Variants in SCGB3A2 observed in about 807,000 individuals in gnomAD.
SCGB3A2 encodes the protein pneumo secretory protein 1.
A neutral mutation model predicts 7.7 loss-of-function variants in SCGB3A2; 5 were observed. The ratio of observed to expected loss-of-function variants is 0.65; its 90% CI spans 0.34 to 1.36. The LOEUF (loss-of-function observed/expected upper bound fraction) is 1.36, where lower values mean the gene tolerates loss of function less well. Among genes scored for constraint, SCGB3A2 ranks in the 40% most tolerant of loss-of-function variants. The pLI, the probability that SCGB3A2 is intolerant of heterozygous loss-of-function variation, is 0.04. For synonymous variants in SCGB3A2, 44 were observed against 42.7 expected (o/e 1.03, Z -0.12); for missense variants, 109 against 103.6 (o/e 1.05, Z -0.23).
chr5:147,878,938 C>A, intron 1 of SCGB3A2, 80 bp downstream of exon 1: 1 of 963,076 alleles, frequency 1.0e-6, no homozygotes, highest in Non-Finnish European at 1.7e-6. Flanking sequence ...TAAGCCTTGC[C>A]TCACTGACAG....
intron 1 of SCGB3A2, 42 bp from the exon 2 acceptor site, chr5:147,881,404 C>A: frequency 6.9e-7 from 1 of 1,458,190 alleles, no homozygotes; most frequent in Non-Finnish European, 9.6e-7. Flanking sequence ...ATAGTCTGGG[C>A]CCAGATGTGC....
chr5:147,878,963 A>G, intron 1 of SCGB3A2, 105 bp downstream of exon 1: 3 of 762,726 alleles, frequency 3.9e-6, no homozygotes, highest in Admixed American at 2.1e-5. Flanking sequence ...ATATGGTGGT[A>G]GGAATTGTAT....
At chr5:147,880,210 C>T (rs935520766) in intron 1 of SCGB3A2, among the ~76,000 whole-genome samples, 4 of 152,094 alleles carry the variant, frequency 2.6e-5, no homozygotes, top group Non-Finnish European at 5.9e-5. Context: ...AAAAATACAT[C>T]GTACATATTT....
intron 1 of SCGB3A2, among the ~76,000 whole-genome samples, chr5:147,880,417 A>G (rs1757328321): frequency 6.6e-6 from 1 of 151,614 alleles, no homozygotes; most frequent in Non-Finnish European, 1.5e-5. Flanking sequence ...TTGCAGCCTC[A>G]CTCCCTTTAT....
rs372327304 is a variant in SCGB3A2 at position 147,879,129 on chromosome 5, C to T, written c.55+271C>T. Among the ~76,000 whole-genome samples, 644 of 152,304 alleles carry T rather than the reference C, an allele frequency of 4.2e-3. 1 individual carries two copies. Among genetic ancestry groups the T allele is most frequent in the Non-Finnish European group, 6.8e-3 (460 of 68,030 alleles). On this transcript the variant is annotated intron_variant, in intron 1 of 2. Coordinates refer to ENST00000296694, the MANE Select transcript of SCGB3A2 (RefSeq NM_054023.5). ...AATATAAGTATTCTAATACATCCTA[C>T]ATAGGAAGTTAGCCAACTTCCACGG...
At chr5:147,881,681 G>C (rs1282954028) in intron 2 of SCGB3A2, 33 bp downstream of exon 2, 1 of 1,556,622 alleles carries the variant, frequency 6.4e-7, no homozygotes, top group Non-Finnish European at 8.8e-7. Context: ...ATCTGCCAAA[G>C]GGGAGGCATA....
intron 1 of SCGB3A2, 34 bp downstream of exon 1, chr5:147,878,892 ATTTCT>A: frequency 6.7e-7 from 1 of 1,495,252 alleles, no homozygotes; most frequent in Non-Finnish European, 9.3e-7. Context: ...AATATGTGAC[ATTTCT>A]TTACTTTTCT....
In SCGB3A2 at chr5:147,881,639, G is replaced by A. The variant is rs1757350311; in HGVS notation, c.249G>A (p.Lys83=). Reference sequence around the variant, plus strand: ...GACCAGAGGCTTCTGAAGCTGTGAAGAAACTGCTGGTAACCACAGCTTGGG... The same window carrying A: ...GACCAGAGGCTTCTGAAGCTGTGAAAAAACTGCTGGTAACCACAGCTTGGG... ...ELGPEASEAV[K]KLLEALSHLV is the part of the protein sequence containing the mutation. The change falls in exon 2 of 3, where the codon AAG becomes AAA. Residue 83 remains lysine, a synonymous_variant. Coordinates refer to ENST00000296694, the MANE Select transcript of SCGB3A2 (RefSeq NM_054023.5). 1 of 1,613,380 alleles carries A rather than the reference G, an allele frequency of 6.2e-7. No homozygotes were observed. The highest frequency in any genetic ancestry group is 8.5e-7 in the Non-Finnish European group (1 of 1,179,684).
At chr5:147,881,930 A>G in intron 2 of SCGB3A2, 97 bp from the exon 3 acceptor site, 1 of 1,356,824 alleles carries the variant, frequency 7.4e-7, no homozygotes, top group Middle Eastern at 2.0e-4. Context: ...CCCATCAGTA[A>G]AATAGTGGCC....
Position 147,882,124 on chromosome 5 carries a change from A to AGAT in SCGB3A2, c.*74_*75insGAT. On this transcript the variant is annotated 3_prime_UTR_variant, in exon 3 of 3. Coordinates refer to ENST00000296694, the MANE Select transcript of SCGB3A2 (RefSeq NM_054023.5). ...ATCCTCCCTGCCTGAAACCTGTTCT[A>AGAT]CCAATTATAGATCAAATGCCCTAAA... is the stretch of plus-strand genomic sequence containing the variant. 6.9e-7 allele frequency: 1 copy of AGAT among 1,449,932 alleles called. No individual in the cohort carries two copies. The highest frequency in any genetic ancestry group is 1.7e-5 in the Admixed American group (1 of 59,602). The allele number at this position is 1,449,932 out of a possible 1,614,324, so 89.8% of individuals were successfully genotyped here. A position where few individuals can be genotyped will look rare whatever the true frequency, so the allele number is the denominator to read the frequency against.
intron 1 of SCGB3A2, 92 bp downstream of exon 1, chr5:147,878,950 G>T: frequency 5.0e-6 from 4 of 803,678 alleles, no homozygotes; most frequent in South Asian, 3.1e-5. Context: ...CACTGACAGT[G>T]GAATATGGTG....
At chr5:147,878,956 T>C (rs1246254949) in intron 1 of SCGB3A2, 98 bp downstream of exon 1, 3 of 794,882 alleles carry the variant, frequency 3.8e-6, no homozygotes, top group African/African-American at 3.5e-5. Context: ...CAGTGGAATA[T>C]GGTGGTAGGA....
chr5:147,881,986 A>T (rs1342538319), intron 2 of SCGB3A2, 41 bp from the exon 3 acceptor site: 1 of 1,607,916 alleles, frequency 6.2e-7, no homozygotes, highest in African/African-American at 1.3e-5. Context: ...TGCGAATTAC[A>T]TGTAAGCTGC....
Position 147,882,055 on chromosome 5 carries a change from A to T in SCGB3A2, c.*5A>T. On this transcript the variant is annotated 3_prime_UTR_variant, in exon 3 of 3. Transcript: ENST00000296694. ...GCGCTATCACACTTGGTGTGACATC[A>T]AGATAAAGAGCGGAGGTGGATGGGG... The T allele has an allele frequency of 6.2e-7, 1 of 1,613,786 alleles. No individual in the cohort carries two copies. Among genetic ancestry groups the T allele is most frequent in the Non-Finnish European group, 8.5e-7 (1 of 1,179,774 alleles).
intron 1 of SCGB3A2, among the ~76,000 whole-genome samples, chr5:147,879,982 A>G (rs770110958): frequency 9.9e-5 from 15 of 152,192 alleles, no homozygotes; most frequent in Admixed American, 6.5e-5. Flanking sequence ...TGGGGAAAAT[A>G]AATACCGCCC....
chr5:147,878,836 C>A lies in SCGB3A2; in HGVS notation c.33C>A (p.Thr11=). Residue 11 remains threonine, a synonymous_variant, in exon 1 of 3, where the codon ACC becomes ACA. Transcript: ENST00000296694. ...TGGTAACTATCTTCCTGCTGGTGAC[C>A]ATCAGCCTTTGTAGTTACTCTGGTA... MKLVTIFLLV[T]ISLCSYSATA... 6.2e-7 allele frequency: 1 copy of A among 1,611,988 alleles called. No individual in the cohort carries two copies.
chr5:147,878,863 G>T lies in SCGB3A2; in HGVS notation c.55+5G>T. The T allele has an allele frequency of 6.3e-7, 1 of 1,598,472 alleles. No individual in the cohort carries two copies. Among genetic ancestry groups the T allele is most frequent in the Non-Finnish European group, 8.6e-7 (1 of 1,165,942 alleles). ...TCAGCCTTTGTAGTTACTCTGGTAA[G>T]TAACTGGAATACATCTGGAATATGT... On this transcript the variant is annotated splice_donor_5th_base_variant and intron_variant, in intron 1 of 2. Transcript: ENST00000296694.
At chr5:147,878,931 GC>G (rs1433748065) in intron 1 of SCGB3A2, 73 bp downstream of exon 1, 2 of 1,072,126 alleles carry the variant, frequency 1.9e-6, no homozygotes, top group East Asian at 4.8e-5. Flanking sequence ...CAACTAGTAA[GC>G]CTTGCCTCAC....
rs767127545 is a variant in SCGB3A2 at position 147,878,793 on chromosome 5, A to G, written c.-11A>G. The G allele has an allele frequency of 3.1e-6, 5 of 1,610,746 alleles. No homozygotes were observed. The East Asian group carries it at 6.7e-5, about 22-fold the overall frequency. ...TTTTTAAACTCCTGAAAAATATCCC[A>G]GATAACTGTCATGAAGCTGGTAACT... On this transcript the variant is annotated 5_prime_UTR_variant, in exon 1 of 3. Transcript: ENST00000296694.
Sources: gnomAD v4.1 joint callset for allele counts (sites outside exome capture counted in the v4.1 genomes callset) on GRCh38, gnomAD v4.1.1 for gene constraint, MANE v1.5 for transcripts, NCBI Gene and HGNC (gene_info 2026-07-23, HGNC 2026-07-21) for gene names.